The following STT3B variants were observed in gnomAD, a reference collection of about 807,000 sequenced individuals.
STT3B encodes the protein dolichyl-diphosphooligosaccharide--protein glycosyltransferase subunit STT3B.
A neutral mutation model predicts 96.8 loss-of-function variants in STT3B; 29 were observed. The observed-to-expected ratio is 0.30, with a 90% confidence interval of 0.22 to 0.41. The LOEUF (loss-of-function observed/expected upper bound fraction) is 0.41. Ranked by LOEUF, STT3B falls within the 10% of genes least tolerant of loss-of-function variation. The probability of loss-of-function intolerance (pLI) is 1.00; values close to 1 mark genes in which losing one functional copy is unlikely to be tolerated. For synonymous variants in STT3B, 367 were observed against 360.0 expected, an observed-to-expected ratio of 1.02 and a Z score of -0.22; for missense variants, 640 against 1,022.3, an observed-to-expected ratio of 0.63 and a Z score of 5.10.
intron 3 of STT3B, among the ~76,000 whole-genome samples, chr3:31,580,855 C>T (rs1698368679): frequency 6.6e-6 from 1 of 151,426 alleles, no homozygotes; most frequent in African/African-American, 2.4e-5. Context: ...GAAGATGATA[C>T]CAAGCAGTAG....
intron 8 of STT3B, among the ~76,000 whole-genome samples, chr3:31,618,820 T>C (rs902583984): frequency 5.9e-5 from 9 of 152,080 alleles, no homozygotes; most frequent in African/African-American, 2.2e-4. Context: ...AGTTGTAGAA[T>C]GTTATTCTGA....
rs948082027 is a variant in STT3B, at chr3:31,596,836, G to A, written c.750G>A (p.Met250Ile). 6.8e-6 allele frequency: 11 copies of A among 1,612,822 alleles called. No individual in the cohort carries two copies. The highest frequency in any genetic ancestry group is 9.3e-6 in the Non-Finnish European group (11 of 1,179,230). ...AAACTGGGTCAGTTTTTTGGACAAT[G>A]TGCTGCTGCTTATCCTATTTCTATA... ...SVKTGSVFWT[M>I]CCCLSYFYMV... Residue 250 changes from methionine to isoleucine, a missense_variant, in exon 4 of 16, where the codon ATG (methionine) becomes ATA (isoleucine). Physicochemically the swap from Met to Ile is conservative, Grantham distance 10. Around this residue, in one of 8 missense-constraint regions of STT3B, gnomAD observed 267 missense variants for 388.3 expected, o/e 0.69. Transcript: ENST00000295770.
rs1049037182 is a variant in STT3B, at chr3:31,577,244, T to C, written c.423+740T>C. Among the ~76,000 whole-genome samples, 5 of 152,106 alleles carry C rather than the reference T, an allele frequency of 3.3e-5. No homozygotes were observed. The South Asian group carries it at 8.3e-4, about 25-fold the overall frequency. ...TTCTTCTTTTGTGAGTTTATTTTCATGTTCTTTTTCTGACTTCTTGAGATG... is the reference window on the plus strand; with the variant it reads ...TTCTTCTTTTGTGAGTTTATTTTCACGTTCTTTTTCTGACTTCTTGAGATG... On this transcript the variant is annotated intron_variant, in intron 2 of 15. Coordinates refer to ENST00000295770, the MANE Select transcript of STT3B (RefSeq NM_178862.3).
At chr3:31,611,835 A>T (rs752856903) in intron 5 of STT3B, among the ~76,000 whole-genome samples, 4 of 151,670 alleles carry the variant, frequency 2.6e-5, no homozygotes, top group Non-Finnish European at 4.4e-5. Context: ...TTACTTCACC[A>T]TTTTTTTTAC....
chr3:31,538,833 A>G (rs1697162340), intron 1 of STT3B, among the ~76,000 whole-genome samples: 1 of 152,130 alleles, frequency 6.6e-6, no homozygotes, highest in Non-Finnish European at 1.5e-5. Flanking sequence ...TATTTAAACC[A>G]GTAACTCTTC....
At chr3:31,556,715 A>G (rs1320006201) in intron 1 of STT3B, among the ~76,000 whole-genome samples, 2 of 151,950 alleles carry the variant, frequency 1.3e-5, no homozygotes, top group African/African-American at 4.8e-5. Flanking sequence ...ATATCTGTTC[A>G]TGTCCTTTGC....
At chr3:31,575,047 TA>T (rs937906486) in intron 1 of STT3B, among the ~76,000 whole-genome samples, 16 of 152,152 alleles carry the variant, frequency 1.1e-4, no homozygotes, top group African/African-American at 3.9e-4. Flanking sequence ...TCCTTTATCA[TA>T]AGTCTGTTTC....
At chr3:31,537,449 G>GTTACTGA (rs11282099) in intron 1 of STT3B, among the ~76,000 whole-genome samples, 14,945 of 152,092 alleles carry the variant, frequency 0.098, 772 homozygotes, top group South Asian at 0.11. Context: ...AGGTATCACT[G>GTTACTGA]TTACTGATTG....
In STT3B at chr3:31,637,591, G is replaced by A. The variant is rs1699781741; in HGVS notation, c.*1527G>A. 1 of 152,082 alleles carries A rather than the reference G, an allele frequency of 6.6e-6. No homozygotes were observed. The highest frequency in any genetic ancestry group is 2.1e-4 in the South Asian group (1 of 4,820). 9.4% of individuals were successfully genotyped at this position (152,082 alleles called of 1,614,324 possible). ...AATGCAGAGAAGTTGTTGACTGTAG[G>A]GGAAATAAAGTTAATTCAAATTTTG... On this transcript the variant is annotated 3_prime_UTR_variant, in exon 16 of 16. Coordinates refer to ENST00000295770, the MANE Select transcript of STT3B (RefSeq NM_178862.3).
At chr3:31,534,565 T>C (rs1223761691) in intron 1 of STT3B, among the ~76,000 whole-genome samples, 1 of 152,194 alleles carries the variant, frequency 6.6e-6, no homozygotes, top group Admixed American at 6.5e-5. Context: ...AGAGTCTTTT[T>C]TGAGAGTTAC....
intron 13 of STT3B, among the ~76,000 whole-genome samples, chr3:31,627,405 T>C (rs1022524308): frequency 3.9e-5 from 6 of 152,212 alleles, no homozygotes; most frequent in African/African-American, 1.2e-4. Flanking sequence ...GTGGAAAAAT[T>C]GTCTTCCACG....
chr3:31,552,226 CT>C (rs1697579296), intron 1 of STT3B, among the ~76,000 whole-genome samples: 1 of 152,220 alleles, frequency 6.6e-6, no homozygotes. Context: ...GTAAACCTTT[CT>C]TTCCATCTCT....
chr3:31,626,011 G>C lies in STT3B; in HGVS notation c.1957G>C (p.Asp653His). The C allele has an allele frequency of 6.2e-7, 1 of 1,613,724 alleles. No homozygotes were observed. The highest frequency in any genetic ancestry group is 8.5e-7 in the Non-Finnish European group (1 of 1,179,780). The change falls in exon 13 of 16, where the codon GAT (aspartate) becomes CAT (histidine). Residue 653 changes from aspartate (D) to histidine (H), a missense_variant. By Grantham distance (81) the Asp-to-His change is moderately conservative. Around this residue, in one of 8 missense-constraint regions of STT3B, gnomAD observed 149 missense variants for 250.2 expected, o/e 0.60. Transcript: ENST00000295770. Reference sequence around the variant, plus strand: ...AGCCTATAAAATCATGAGGACTCTAGATGTAGATTATGTTTTGGTTATTTT... The same window carrying C: ...AGCCTATAAAATCATGAGGACTCTACATGTAGATTATGTTTTGGTTATTTT... Reference protein sequence around the residue: ...TAAYKIMRTLDVDYVLVIFGG... With the variant: ...TAAYKIMRTLHVDYVLVIFGG...
intron 12 of STT3B, 51 bp from the exon 13 acceptor site, chr3:31,625,903 A>G: frequency 6.9e-7 from 1 of 1,455,812 alleles, no homozygotes. Context: ...ATTGATTTTT[A>G]TGAATGTGGG....
intron 3 of STT3B, among the ~76,000 whole-genome samples, chr3:31,580,395 G>A (rs1698355919): frequency 6.6e-6 from 1 of 152,148 alleles, no homozygotes; most frequent in Non-Finnish European, 1.5e-5. Flanking sequence ...AGTTACCCAG[G>A]AAAGTTGAAG....
chr3:31,619,106 T>C (rs1699375627), intron 8 of STT3B, among the ~76,000 whole-genome samples: 1 of 152,028 alleles, frequency 6.6e-6, no homozygotes, highest in South Asian at 2.1e-4. Flanking sequence ...AATTATTGGG[T>C]AAAGTATTTC....
chr3:31,543,015 G>A (rs1197800522), intron 1 of STT3B, among the ~76,000 whole-genome samples: 4 of 138,220 alleles, frequency 2.9e-5, no homozygotes, highest in East Asian at 2.2e-4. Flanking sequence ...GCAGTGAGCC[G>A]AGATTGCGCC....
intron 6 of STT3B, among the ~76,000 whole-genome samples, 170 bp from the exon 7 acceptor site, chr3:31,616,759 G>A (rs772082854): frequency 2.6e-5 from 4 of 151,664 alleles, no homozygotes; most frequent in Non-Finnish European, 5.9e-5. Context: ...GAATTTTTTG[G>A]ATGTATTAAT....
intron 1 of STT3B, among the ~76,000 whole-genome samples, chr3:31,535,295 A>G (rs1362108817): frequency 6.6e-6 from 1 of 151,894 alleles, no homozygotes; most frequent in Non-Finnish European, 1.5e-5. Context: ...CTCAACAAGT[A>G]AAGTGGCTAA....
Sources: allele counts gnomAD v4.1 joint callset (sites outside exome capture counted in the v4.1 genomes callset), GRCh38; gene constraint gnomAD v4.1.1; regional missense constraint gnomAD v4.1.1; transcripts MANE v1.5; gene names NCBI Gene and HGNC (gene_info 2026-07-23, HGNC 2026-07-21).